The following ADAMTS3 variants were observed in gnomAD, a reference collection of about 807,000 sequenced individuals.
ADAMTS3 encodes A disintegrin and metalloproteinase with thrombospondin motifs 3.
A neutral mutation model predicts 129.0 loss-of-function variants in ADAMTS3; 73 were observed. The ratio of observed to expected loss-of-function variants is 0.57; its 90% CI spans 0.47 to 0.69. ADAMTS3 has a LOEUF of 0.69. Ranked by LOEUF, ADAMTS3 falls within the 30% of genes least tolerant of loss-of-function variation. The pLI is 0.00. For synonymous variants in ADAMTS3, 477 were observed against 510.8 expected (o/e 0.93, Z 0.89); for missense variants, 1,457 against 1,514.5 (o/e 0.96, Z 0.63).
intron 3 of ADAMTS3, among the ~76,000 whole-genome samples, chr4:72,507,517 T>C (rs1720194744): frequency 6.6e-6 from 1 of 152,230 alleles, no homozygotes; most frequent in Admixed American, 6.5e-5. Flanking sequence ...GTTGCTTAAG[T>C]TTGCCTTCAA....
chr4:72,438,146 G>A (rs529051497), intron 3 of ADAMTS3, among the ~76,000 whole-genome samples: 40 of 151,760 alleles, frequency 2.6e-4, no homozygotes, highest in African/African-American at 8.9e-4. Flanking sequence ...TATATCCAGA[G>A]GTAATAGTAG....
chr4:72,448,224 A>G (rs1718306272), intron 3 of ADAMTS3, among the ~76,000 whole-genome samples: 1 of 151,768 alleles, frequency 6.6e-6, no homozygotes, highest in Non-Finnish European at 1.5e-5. Flanking sequence ...ATTGGTGGAT[A>G]CTGCTCGACC....
At chr4:72,467,162 T>A (rs1209944468) in intron 3 of ADAMTS3, among the ~76,000 whole-genome samples, 13 of 152,030 alleles carry the variant, frequency 8.6e-5, no homozygotes, top group Admixed American at 8.5e-4. Context: ...CACCTTTGAG[T>A]CACCTTTGTC....
chr4:72,475,149 ACTTAAG>A (rs1719196039), intron 3 of ADAMTS3, among the ~76,000 whole-genome samples: 1 of 152,024 alleles, frequency 6.6e-6, no homozygotes, highest in Non-Finnish European at 1.5e-5. Context: ...AAAGTACCAA[ACTTAAG>A]CCCTAACATA....
intron 4 of ADAMTS3, among the ~76,000 whole-genome samples, chr4:72,349,477 G>A (rs1720370625): frequency 1.3e-5 from 2 of 151,942 alleles, no homozygotes; most frequent in African/African-American, 4.8e-5. Flanking sequence ...ATCACAATAA[G>A]AGATAATCTG....
chr4:72,308,680 T>C (rs1055603542), intron 15 of ADAMTS3, among the ~76,000 whole-genome samples: 4 of 151,978 alleles, frequency 2.6e-5, no homozygotes, highest in Non-Finnish European at 5.9e-5. Flanking sequence ...TGTATACAAA[T>C]CTTTTATGAA....
chr4:72,319,833 T>C, intron 8 of ADAMTS3, 25 bp downstream of exon 8: 1 of 1,566,792 alleles, frequency 6.4e-7, no homozygotes, highest in South Asian at 1.1e-5. Context: ...TTTTTTTGGC[T>C]TTATAGCTGT....
chr4:72,461,709 C>T (rs1253564131), intron 3 of ADAMTS3, among the ~76,000 whole-genome samples: 2 of 151,864 alleles, frequency 1.3e-5, no homozygotes, highest in African/African-American at 2.4e-5. Context: ...TTCAACAATA[C>T]AATGAAATGT....
At chr4:72,292,940 T>C (rs554690931) in intron 19 of ADAMTS3, among the ~76,000 whole-genome samples, 12 of 151,904 alleles carry the variant, frequency 7.9e-5, no homozygotes, top group African/African-American at 2.9e-4. Context: ...TGAAGACAAA[T>C]ATTATACTTC....
intron 3 of ADAMTS3, among the ~76,000 whole-genome samples, chr4:72,539,334 G>A (rs1278487855): frequency 6.6e-6 from 1 of 151,752 alleles, no homozygotes; most frequent in Non-Finnish European, 1.5e-5. Context: ...ATTCAAAAAT[G>A]AGCAAATGAC....
intron 4 of ADAMTS3, among the ~76,000 whole-genome samples, chr4:72,392,930 CT>C (rs1398764905): frequency 2.2e-4 from 24 of 107,664 alleles, no homozygotes; most frequent in South Asian, 6.2e-4. Flanking sequence ...TTTTTTTTTT[CT>C]TTTTTTTTTT....
In ADAMTS3 at chr4:72,388,817, C is replaced by T. The variant is rs544345976; in HGVS notation, c.661+25998G>A. 2.0e-5 allele frequency among the ~76,000 whole-genome samples: 3 copies of T among 152,216 alleles called. No homozygotes were observed. In the South Asian group the frequency reaches 6.2e-4, roughly 32 times the overall value. ...GTGAAAGCATACAAAGAAAAACCTGCAAAGGGAAAAGTCACACAGGGTGAA... is the reference window on the plus strand; with the variant it reads ...GTGAAAGCATACAAAGAAAAACCTGTAAAGGGAAAAGTCACACAGGGTGAA... On this transcript the variant is annotated intron_variant, in intron 4 of 21. Transcript: ENST00000286657.
At chr4:72,563,780 T>G (rs1721960170) in intron 2 of ADAMTS3, among the ~76,000 whole-genome samples, 1 of 152,126 alleles carries the variant, frequency 6.6e-6, no homozygotes, top group South Asian at 2.1e-4. Flanking sequence ...TAGATAAACC[T>G]TAATATAATA....
intron 3 of ADAMTS3, among the ~76,000 whole-genome samples, chr4:72,476,512 G>A (rs1162910482): frequency 2.0e-5 from 3 of 152,014 alleles, no homozygotes; most frequent in Non-Finnish European, 2.9e-5. Flanking sequence ...GGCCCAGATG[G>A]GTTCAATGGA....
chr4:72,319,619 G>T, intron 8 of ADAMTS3, 144 bp from the exon 9 acceptor site: 1 of 1,024,502 alleles, frequency 9.8e-7, no homozygotes. Flanking sequence ...GAAATTGACA[G>T]CAATCTGACA....
At chr4:72,343,099 G>C (rs1461135816) in intron 4 of ADAMTS3, among the ~76,000 whole-genome samples, 1 of 152,158 alleles carries the variant, frequency 6.6e-6, no homozygotes, top group Non-Finnish European at 1.5e-5. Flanking sequence ...ATTTACATAA[G>C]GGCCCACAGA....
At chr4:72,336,878 A>C (rs1314774627) in intron 5 of ADAMTS3, among the ~76,000 whole-genome samples, 2 of 152,006 alleles carry the variant, frequency 1.3e-5, no homozygotes, top group South Asian at 2.1e-4. Flanking sequence ...TGTTAACAAT[A>C]AAAAAAGTCT....
chr4:72,553,351 C>A (rs573161359), intron 2 of ADAMTS3, among the ~76,000 whole-genome samples: 19 of 152,098 alleles, frequency 1.2e-4, no homozygotes, highest in Non-Finnish European at 2.5e-4. Flanking sequence ...CAGAGCCCTG[C>A]ATTCTTAAGA....
chr4:72,351,215 C>G (rs1720425785), intron 4 of ADAMTS3, among the ~76,000 whole-genome samples: 1 of 151,942 alleles, frequency 6.6e-6, no homozygotes, highest in African/African-American at 2.4e-5. Flanking sequence ...TAAATGCAGT[C>G]TCTCTTATTC....
Sources: gnomAD v4.1 joint callset for allele counts (sites outside exome capture counted in the v4.1 genomes callset) on GRCh38, gnomAD v4.1.1 for gene constraint, MANE v1.5 for transcripts, NCBI Gene and HGNC (gene_info 2026-07-23, HGNC 2026-07-21) for gene names.